CHD9NB: variants seen among roughly 807,000 people sequenced by gnomAD.
CHD9NB encodes CHD9 neighbor protein.
the CHD9NB span, among the ~76,000 whole-genome samples, chr16:53,052,073 T>A: frequency 2.6e-5 from 4 of 151,400 alleles, no homozygotes; most frequent in Non-Finnish European, 5.9e-5. Flanking sequence ...AACTAAATTG[T>A]CAATCTAAAA....
the CHD9NB span, among the ~76,000 whole-genome samples, chr16:53,051,557 G>A: frequency 6.8e-6 from 1 of 147,418 alleles, no homozygotes; most frequent in African/African-American, 2.5e-5. Context: ...CTCATAGGTG[G>A]GAATTGAACA....
chr16:53,037,126 G>A, the CHD9NB span, among the ~76,000 whole-genome samples: 1 of 152,112 alleles, frequency 6.6e-6, no homozygotes, highest in African/African-American at 2.4e-5. Flanking sequence ...AATAGAGATG[G>A]GGTTTCACCA....
chr16:53,036,942 AT>A, the CHD9NB span, among the ~76,000 whole-genome samples: 38 of 147,636 alleles, frequency 2.6e-4, no homozygotes, highest in Non-Finnish European at 2.3e-4. Context: ...GCTTCATCAA[AT>A]TTTTTTTTTT....
chr16:53,051,384 G>A, the CHD9NB span, among the ~76,000 whole-genome samples: 1 of 152,046 alleles, frequency 6.6e-6, no homozygotes, highest in African/African-American at 2.4e-5. Flanking sequence ...GTCCAACAAT[G>A]ATAGTCTGGA....
chr16:53,041,667 T>C, the CHD9NB span, among the ~76,000 whole-genome samples: 1 of 152,068 alleles, frequency 6.6e-6, no homozygotes, highest in African/African-American at 2.4e-5. Flanking sequence ...AGCTGCGAAC[T>C]CTTTCCATAG....
chr16:53,040,297 A>G, the CHD9NB span, among the ~76,000 whole-genome samples: 2 of 151,302 alleles, frequency 1.3e-5, no homozygotes, highest in African/African-American at 4.9e-5. Flanking sequence ...GATGGTCTTG[A>G]TCTCCTGACC....
chr16:53,037,784 A>G, the CHD9NB span, among the ~76,000 whole-genome samples: 1 of 152,226 alleles, frequency 6.6e-6, no homozygotes, highest in African/African-American at 2.4e-5. Context: ...TGAATTCCTC[A>G]AGTCTCAGCC....
the CHD9NB span, chr16:53,043,166 C>CG: frequency 1.3e-5 from 2 of 152,236 alleles, no homozygotes; most frequent in Admixed American, 1.3e-4. Flanking sequence ...AAAACACATG[C>CG]GGGGGAGAAA....
chr16:53,037,574 C>A, the CHD9NB span, among the ~76,000 whole-genome samples: 2 of 152,142 alleles, frequency 1.3e-5, no homozygotes, highest in Non-Finnish European at 2.9e-5. Context: ...GGGCAATCTG[C>A]CTTCTTGGCA....
At chr16:53,043,954 G>A in the CHD9NB span, 155 of 398,700 alleles carry the variant, frequency 3.9e-4, no homozygotes, top group African/African-American at 3.1e-3. Context: ...GGGGCCAAAG[G>A]CAGTTCCAGG....
the CHD9NB span, among the ~76,000 whole-genome samples, chr16:53,046,067 T>C: frequency 1.3e-5 from 2 of 152,190 alleles, no homozygotes; most frequent in Non-Finnish European, 2.9e-5. Context: ...GAATACATTA[T>C]GATGCTATTT....
chr16:53,051,665 T>C, the CHD9NB span, among the ~76,000 whole-genome samples: 6 of 150,828 alleles, frequency 4.0e-5, no homozygotes, highest in Non-Finnish European at 7.4e-5. Context: ...ATATATCTAA[T>C]GTAAATGACA....
chr16:53,045,604 G>A, the CHD9NB span, among the ~76,000 whole-genome samples: 3 of 152,216 alleles, frequency 2.0e-5, no homozygotes, highest in African/African-American at 7.2e-5. Context: ...TGGCTTTTCA[G>A]AGAAGTACAT....
chr16:53,046,816 T>C, the CHD9NB span, among the ~76,000 whole-genome samples: 2 of 152,082 alleles, frequency 1.3e-5, no homozygotes, highest in Non-Finnish European at 2.9e-5. Context: ...TTCGAAATGA[T>C]TGAGAATTTC....
chr16:53,051,378 A>G, the CHD9NB span, among the ~76,000 whole-genome samples: 1 of 152,164 alleles, frequency 6.6e-6, no homozygotes, highest in African/African-American at 2.4e-5. Context: ...GTAAATGTCC[A>G]ACAATGATAG....
At chr16:53,046,339 A>T in the CHD9NB span, among the ~76,000 whole-genome samples, 1 of 152,084 alleles carries the variant, frequency 6.6e-6, no homozygotes, top group African/African-American at 2.4e-5. Flanking sequence ...GGCAAGGTCC[A>T]TGGGATTAGG....
the CHD9NB span, among the ~76,000 whole-genome samples, chr16:53,042,279 C>A: frequency 6.7e-6 from 1 of 149,044 alleles, no homozygotes; most frequent in South Asian, 2.2e-4. Context: ...TTTCCCTCAC[C>A]CCTCTCCTTT....
chr16:53,052,621 A>G, the CHD9NB span: 2 of 152,382 alleles, frequency 1.3e-5, no homozygotes, highest in Non-Finnish European at 2.9e-5. Flanking sequence ...AGAGGTTGTA[A>G]TCTAGGACTT....
At chr16:53,046,961 G>T in the CHD9NB span, among the ~76,000 whole-genome samples, 1 of 152,258 alleles carries the variant, frequency 6.6e-6, no homozygotes, top group African/African-American at 2.4e-5. Flanking sequence ...TCTGCTAGCT[G>T]GCTCAGCTCA....
Sources: allele counts gnomAD v4.1 joint callset (sites outside exome capture counted in the v4.1 genomes callset), GRCh38; gene constraint gnomAD v4.1.1; transcripts MANE v1.5; gene names NCBI Gene and HGNC (gene_info 2026-07-23, HGNC 2026-07-21).